MSTO1: variants seen among roughly 807,000 people sequenced by gnomAD.
MSTO1 encodes the protein protein misato homolog 1.
A neutral mutation model predicts 55.7 loss-of-function variants in MSTO1; 24 were observed. The observed-to-expected ratio is 0.43, with a 90% CI of 0.31 to 0.61. MSTO1 has a LOEUF of 0.61. MSTO1 is among the 20% of genes least tolerant of loss of function. The pLI is 0.09. For synonymous variants in MSTO1, 162 were observed against 252.8 expected, an observed-to-expected ratio of 0.64 and a Z score of 3.41; for missense variants, 363 against 625.7, an observed-to-expected ratio of 0.58 and a Z score of 4.48.
chr1:155,611,998 G>A lies in MSTO1; in HGVS notation c.576G>A (p.Leu192=). The A allele has an allele frequency of 6.8e-7, 1 of 1,460,192 alleles. No homozygotes were observed. The highest frequency in any genetic ancestry group is 9.3e-7 in the Non-Finnish European group (1 of 1,072,488). 90.5% of individuals were successfully genotyped at this position (1,460,192 alleles called of 1,614,324 possible). The change falls in exon 7 of 14, where the codon CTG becomes CTA. Residue 192 remains leucine (L), a synonymous_variant. Coordinates refer to ENST00000245564, the MANE Select transcript of MSTO1 (RefSeq NM_018116.4). ...CTTGTGGCAGGGAAGCAGGTCGGCTGGAGGCTTTTGGCCAAGGGGAAAGTG... is the reference window on the plus strand; with the variant it reads ...CTTGTGGCAGGGAAGCAGGTCGGCTAGAGGCTTTTGGCCAAGGGGAAAGTG... ...KYNHDGEAGR[L]EAFGQGESVL...
upstream of MSTO1, among the ~76,000 whole-genome samples, chr1:155,605,651 C>A (rs538794745): frequency 2.6e-5 from 4 of 152,218 alleles, no homozygotes; most frequent in South Asian, 8.3e-4. Flanking sequence ...GGTTTAAAAT[C>A]ATGTAGTCAC....
chr1:155,593,599 C>A, the MSTO1 span, among the ~76,000 whole-genome samples: 1 of 152,146 alleles, frequency 6.6e-6, no homozygotes, highest in Admixed American at 6.5e-5. Context: ...AGTGCATGTA[C>A]AATACTGTAT....
the MSTO1 span, among the ~76,000 whole-genome samples, chr1:155,576,308 GTTTT>G: frequency 6.6e-6 from 1 of 151,946 alleles, no homozygotes; most frequent in African/African-American, 2.4e-5. Context: ...TCTATTTATA[GTTTT>G]TTTGTTTTGT....
chr1:155,589,347 G>C, the MSTO1 span, among the ~76,000 whole-genome samples: 1 of 151,568 alleles, frequency 6.6e-6, no homozygotes, highest in South Asian at 2.1e-4. Context: ...AAAGACCTGA[G>C]GCCAGACTGC....
At chr1:155,579,816 C>T in the MSTO1 span, among the ~76,000 whole-genome samples, 1 of 152,162 alleles carries the variant, frequency 6.6e-6, no homozygotes. Flanking sequence ...GTGGTTCTCG[C>T]CTGTAATCCC....
At chr1:155,564,845 G>T in the MSTO1 span, among the ~76,000 whole-genome samples, 1 of 152,198 alleles carries the variant, frequency 6.6e-6, no homozygotes, top group Non-Finnish European at 1.5e-5. Context: ...AATGAGGCTG[G>T]GTGTGGTAGC....
At chr1:155,608,586 G>A (rs1673056238), upstream of MSTO1, among the ~76,000 whole-genome samples, 1 of 132,712 alleles carries the variant, frequency 7.5e-6, no homozygotes, top group African/African-American at 2.9e-5. Flanking sequence ...CGCAAGCTCC[G>A]CCTCCCGGGT....
the MSTO1 span, among the ~76,000 whole-genome samples, chr1:155,592,238 T>C: frequency 2.0e-5 from 3 of 152,212 alleles, no homozygotes; most frequent in East Asian, 1.9e-4. Flanking sequence ...GCAAGCAAGA[T>C]TGAAGTCTGG....
the MSTO1 span, among the ~76,000 whole-genome samples, chr1:155,603,119 C>CT: frequency 6.6e-6 from 1 of 152,106 alleles, no homozygotes; most frequent in Non-Finnish European, 1.5e-5. Flanking sequence ...AATCCCAGCA[C>CT]TTTGGGAGGC....
At chr1:155,585,746 C>T in the MSTO1 span, among the ~76,000 whole-genome samples, 1 of 152,040 alleles carries the variant, frequency 6.6e-6, no homozygotes, top group Non-Finnish European at 1.5e-5. Context: ...AACAAATACT[C>T]ATGTATCCAT....
Position 155,613,477 on chromosome 1 carries a change from G to T in MSTO1, c.1299G>T (p.Gly433=). Residue 433 remains glycine, a synonymous_variant, in exon 12 of 14, where the codon GGG becomes GGT. Transcript: ENST00000245564. The part of the protein sequence containing the change: ...RACHTSQLTP[G]TPPPSALHAC... Reference sequence around the variant, plus strand: ...GTTCTGGCAGCCAGCTCACCCCAGGGACACCTCCACCCTCTGCCCTTCATG... The same window carrying T: ...GTTCTGGCAGCCAGCTCACCCCAGGTACACCTCCACCCTCTGCCCTTCATG... The T allele has an allele frequency of 6.2e-7, 1 of 1,614,024 alleles. No homozygotes were observed. The highest frequency in any genetic ancestry group is 8.5e-7 in the Non-Finnish European group (1 of 1,179,984).
the MSTO1 span, among the ~76,000 whole-genome samples, chr1:155,589,208 G>A: frequency 6.6e-6 from 1 of 151,882 alleles, no homozygotes; most frequent in Non-Finnish European, 1.5e-5. Context: ...TGAGGTAAGA[G>A]AATCGCTTGA....
At chr1:155,590,625 C>G in the MSTO1 span, 7 of 1,386,746 alleles carry the variant, frequency 5.0e-6, no homozygotes, top group Non-Finnish European at 5.9e-6. Flanking sequence ...TGGTAGGGTA[C>G]TCAGAGGTCC....
the MSTO1 span, among the ~76,000 whole-genome samples, chr1:155,570,233 C>G: frequency 2.0e-5 from 3 of 152,216 alleles, no homozygotes; most frequent in South Asian, 6.2e-4. Flanking sequence ...GTGTGGAGTC[C>G]ATTTTGCTGA....
the MSTO1 span, among the ~76,000 whole-genome samples, chr1:155,594,848 A>AT: frequency 6.6e-6 from 1 of 152,150 alleles, no homozygotes. Context: ...AAAGATGCTA[A>AT]TTAAAGGCTA....
chr1:155,606,692 CT>C (rs899148911), upstream of MSTO1, among the ~76,000 whole-genome samples: 6 of 150,556 alleles, frequency 4.0e-5, no homozygotes, highest in African/African-American at 9.8e-5. Context: ...CGTACCCAGC[CT>C]TTTTTTTTGT....
chr1:155,567,663 T>TG, the MSTO1 span, among the ~76,000 whole-genome samples: 2 of 151,186 alleles, frequency 1.3e-5, no homozygotes, highest in African/African-American at 2.4e-5. Context: ...CTTGAACTCC[T>TG]GGCCTTAGGT....
chr1:155,597,716 G>A, the MSTO1 span, among the ~76,000 whole-genome samples: 1 of 150,836 alleles, frequency 6.6e-6, no homozygotes, highest in African/African-American at 2.4e-5. Context: ...CACCATGTTG[G>A]TCAGGCTGGT....
rs746809636 is a variant in MSTO1 at position 155,612,826 on chromosome 1, C to T, written c.967-18C>T. On this transcript the variant is annotated intron_variant, in intron 9 of 13. Coordinates refer to ENST00000245564, the MANE Select transcript of MSTO1 (RefSeq NM_018116.4). ...TCCAGGCCTGAGGCCAAGTGCCCAT[C>T]TTGGTGTCTTCTTACAGGCCACTCT... 120 of 1,613,404 alleles carry T rather than the reference C, an allele frequency of 7.4e-5. No homozygotes were observed. The highest frequency in any genetic ancestry group is 9.1e-5 in the Non-Finnish European group (107 of 1,179,664).
Sources: gnomAD v4.1 joint callset for allele counts (sites outside exome capture counted in the v4.1 genomes callset) on GRCh38, gnomAD v4.1.1 for gene constraint, MANE v1.5 for transcripts, NCBI Gene and HGNC (gene_info 2026-07-23, HGNC 2026-07-21) for gene names.